LRRC63: variants seen among roughly 807,000 people sequenced by gnomAD.
The protein encoded by LRRC63 is leucine rich repeat containing 63, also known as leucine-rich repeat-containing protein 63.
A neutral mutation model predicts 49.5 loss-of-function variants in LRRC63; 40 were observed. The observed-to-expected ratio is 0.81, with a 90% confidence interval of 0.63 to 1.05. LRRC63 has a LOEUF of 1.05. Among genes scored for constraint, LRRC63 ranks in the 50% least tolerant of loss-of-function variants. LRRC63 has a pLI of 0.00. For synonymous variants in LRRC63, 191 were observed against 221.1 expected (o/e 0.86, Z 1.21); for missense variants, 636 against 663.1 (o/e 0.96, Z 0.45).
exon 3 of LRRC63, chr13:46,228,160 C>T: frequency 6.5e-7 from 1 of 1,549,108 alleles, no homozygotes; most frequent in Non-Finnish European, 8.7e-7. Flanking sequence ...CCAGTTTTAC[C>T]AAGAAAACCT....
At chr13:46,259,509 A>C (rs529325825) in intron 7 of LRRC63, among the ~76,000 whole-genome samples, 3 of 152,356 alleles carry the variant, frequency 2.0e-5, no homozygotes, top group Non-Finnish European at 4.4e-5. Flanking sequence ...AATTTACTTT[A>C]ATTGGCAGGT....
At chr13:46,249,045 G>C (rs113305914) in intron 6 of LRRC63, among the ~76,000 whole-genome samples, 4,580 of 151,718 alleles carry the variant, frequency 0.03, 215 homozygotes, top group African/African-American at 0.1. Flanking sequence ...ATAACCAGTG[G>C]GTCAAAGAAT....
intron 7 of LRRC63, among the ~76,000 whole-genome samples, chr13:46,257,910 T>C (rs940335718): frequency 1.3e-5 from 2 of 150,042 alleles, no homozygotes; most frequent in Admixed American, 6.6e-5. Flanking sequence ...TGTTAAAATA[T>C]GCATATATTT....
chr13:46,222,133 G>A (rs1439776538), intron 2 of LRRC63, among the ~76,000 whole-genome samples: 1 of 152,004 alleles, frequency 6.6e-6, no homozygotes, highest in Non-Finnish European at 1.5e-5. Flanking sequence ...TTAAATATAA[G>A]TGTTGGCCAT....
At chr13:46,231,917 G>A (rs771868712) in intron 4 of LRRC63, among the ~76,000 whole-genome samples, 88 of 149,770 alleles carry the variant, frequency 5.9e-4, no homozygotes, top group Middle Eastern at 3.5e-3. Context: ...CCAGGTTCGC[G>A]CCATTCTCCT....
At chr13:46,260,464 A>G (rs546884979) in intron 7 of LRRC63, among the ~76,000 whole-genome samples, 1 of 152,316 alleles carries the variant, frequency 6.6e-6, no homozygotes, top group East Asian at 1.9e-4. Context: ...CTCAGCACTT[A>G]CGATGTACTA....
chr13:46,259,586 C>G (rs1056380643), intron 7 of LRRC63, among the ~76,000 whole-genome samples: 4 of 152,106 alleles, frequency 2.6e-5, no homozygotes, highest in African/African-American at 9.7e-5. Flanking sequence ...AAAGCCGTGT[C>G]TTAACAGCAG....
chr13:46,214,124 G>A (rs893784629), intron 2 of LRRC63, among the ~76,000 whole-genome samples: 7 of 152,044 alleles, frequency 4.6e-5, no homozygotes, highest in Non-Finnish European at 8.8e-5. Context: ...AATACAATTA[G>A]CATATTTTCT....
intron 2 of LRRC63, among the ~76,000 whole-genome samples, chr13:46,222,249 A>G (rs556801423): frequency 7.2e-5 from 11 of 151,858 alleles, no homozygotes; most frequent in South Asian, 2.1e-4. Context: ...AGGTCCTTGT[A>G]TATTCTAGAT....
chr13:46,246,378 A>G (rs1261420754), intron 5 of LRRC63, 149 bp from the exon 6 acceptor site: 2 of 400,888 alleles, frequency 5.0e-6, no homozygotes, highest in Non-Finnish European at 4.4e-6. Flanking sequence ...CAGACTAAAA[A>G]AAAATGAATG....
At chr13:46,226,849 C>T (rs1202234421) in intron 2 of LRRC63, among the ~76,000 whole-genome samples, 1 of 152,136 alleles carries the variant, frequency 6.6e-6, no homozygotes. Flanking sequence ...ATGTACAGAT[C>T]CTCATCATTT....
At chr13:46,259,636 T>C (rs2047582863) in intron 7 of LRRC63, among the ~76,000 whole-genome samples, 1 of 152,254 alleles carries the variant, frequency 6.6e-6, no homozygotes, top group African/African-American at 2.4e-5. Flanking sequence ...TATTGTTATT[T>C]ATTAAAGAAG....
Position 46,262,006 on chromosome 13 carries a change from A to G in LRRC63, c.1310+14A>G, listed in dbSNP as rs187200946. 5.1e-5 allele frequency: 48 copies of G among 948,668 alleles called. No homozygotes were observed. The Middle Eastern group carries it at 1.2e-3, about 23-fold the overall frequency. 58.8% of individuals were successfully genotyped at this position (948,668 alleles called of 1,614,324 possible). A position where few individuals can be genotyped will look rare whatever the true frequency, so the allele number is the denominator to read the frequency against. On this transcript the variant is annotated intron_variant, in intron 8 of 9. Transcript: ENST00000595396. ...TCAGAAACTCAGGTATTTTGGAAGT[A>G]CACAGAAAGTTATATGCCCCTTAAT...
At chr13:46,217,470 T>G (rs570944367) in intron 2 of LRRC63, among the ~76,000 whole-genome samples, 1 of 152,310 alleles carries the variant, frequency 6.6e-6, no homozygotes, top group South Asian at 2.1e-4. Context: ...CCTTTATCAG[T>G]TTTTATTGTG....
chr13:46,269,357 G>A (rs978935062), intron 9 of LRRC63, among the ~76,000 whole-genome samples: 4 of 152,234 alleles, frequency 2.6e-5, no homozygotes, highest in African/African-American at 7.2e-5. Flanking sequence ...CAGTTATTTT[G>A]TTCTCATGCA....
At chr13:46,247,706 G>T (rs2047253401) in intron 6 of LRRC63, among the ~76,000 whole-genome samples, 1 of 152,066 alleles carries the variant, frequency 6.6e-6, no homozygotes, top group Admixed American at 6.6e-5. Flanking sequence ...AAAAGGCTGG[G>T]GACTGAGGTA....
chr13:46,255,645 A>AAAAAAAAAAAAAAT (rs1555328641), intron 7 of LRRC63, among the ~76,000 whole-genome samples: 66 of 129,454 alleles, frequency 5.1e-4, no homozygotes, highest in African/African-American at 1.7e-3. Flanking sequence ...CCCTGCCTCA[A>AAAAAAAAAAAAAAT]ATATATATAT....
chr13:46,241,967 G>A (rs963096859), intron 5 of LRRC63, among the ~76,000 whole-genome samples: 1 of 151,546 alleles, frequency 6.6e-6, no homozygotes, highest in Non-Finnish European at 1.5e-5. Flanking sequence ...CCCATTACTG[G>A]GTATATACCC....
At chr13:46,215,194 T>G (rs1228514416) in intron 2 of LRRC63, among the ~76,000 whole-genome samples, 1 of 152,256 alleles carries the variant, frequency 6.6e-6, no homozygotes, top group Non-Finnish European at 1.5e-5. Context: ...TTATACTGTC[T>G]TCCACAATGG....
Sources: allele counts gnomAD v4.1 joint callset (sites outside exome capture counted in the v4.1 genomes callset), GRCh38; gene constraint gnomAD v4.1.1; transcripts MANE v1.5; gene names NCBI Gene and HGNC (gene_info 2026-07-23, HGNC 2026-07-21).